The following NUMB variants were observed in gnomAD, a reference collection of about 807,000 sequenced individuals.
NUMB encodes NUMB endocytic adaptor protein.
A neutral mutation model predicts 59.7 loss-of-function variants in NUMB; 29 were observed. The ratio of observed to expected loss-of-function variants is 0.49; its 90% CI spans 0.36 to 0.66. NUMB has a LOEUF of 0.66. Ranked by LOEUF, NUMB falls within the 30% of genes least tolerant of loss-of-function variation. The pLI is 0.00. For synonymous variants in NUMB, 288 were observed against 288.2 expected, an observed-to-expected ratio of 1.00 and a Z score of 0.01; for missense variants, 723 against 822.0, an observed-to-expected ratio of 0.88 and a Z score of 1.47.
intron 9 of NUMB, chr14:73,286,190 ATTTTTTTTTTT>A (rs55711968): frequency 2.6e-4 from 19 of 72,130 alleles, no homozygotes; most frequent in Non-Finnish European, 3.2e-4. Flanking sequence ...AAATATGGCA[ATTTTTTTTTTT>A]TTTTTTTTTT....
chr14:73,284,186 C>G lies in NUMB; in HGVS notation c.844G>C (p.Ala282Pro). Residue 282 changes from alanine to proline, a missense_variant, in exon 10 of 13, where the codon GCT (alanine) becomes CCT (proline). Ala to Pro is a conservative substitution (Grantham distance 27). Around this residue, in one of 2 missense-constraint regions of NUMB, gnomAD observed 317 missense variants for 436.6 expected, o/e 0.73. Transcript: ENST00000555238. The part of the protein sequence containing the change: ...ARQGSFRGFP[A>P]LSQKMSPFKR... The stretch of plus-strand genomic sequence containing the variant: ...AAGGGTGACATCTTCTGGCTAAGAG[C>G]AGGAAAACCTCGGAAAGAGCCTTGG... 3 of 1,614,122 alleles carry G rather than the reference C, an allele frequency of 1.9e-6. No homozygotes were observed. Among genetic ancestry groups the G allele is most frequent in the Non-Finnish European group, 2.5e-6 (3 of 1,180,040 alleles).
At chr14:73,415,804 A>C (rs1243657282) in intron 1 of NUMB, among the ~76,000 whole-genome samples, 2 of 152,140 alleles carry the variant, frequency 1.3e-5, no homozygotes, top group Non-Finnish European at 2.9e-5. Context: ...TATTCCAACG[A>C]TGCTAGTCAA....
At chr14:73,370,482 G>A (rs1160285688) in intron 2 of NUMB, among the ~76,000 whole-genome samples, 2 of 151,950 alleles carry the variant, frequency 1.3e-5, no homozygotes, top group Non-Finnish European at 2.9e-5. Context: ...ACCTAAGGTC[G>A]GGAGTTCGAG....
intron 1 of NUMB, among the ~76,000 whole-genome samples, chr14:73,425,779 A>G (rs1897550580): frequency 6.6e-6 from 1 of 151,568 alleles, no homozygotes; most frequent in African/African-American, 2.4e-5. Context: ...AAACACTAAG[A>G]GATAGGGGCT....
chr14:73,341,101 T>C (rs932325865), intron 4 of NUMB, among the ~76,000 whole-genome samples: 1 of 152,228 alleles, frequency 6.6e-6, no homozygotes, highest in Non-Finnish European at 1.5e-5. Context: ...CAATTAAACC[T>C]CTTTCCTTTA....
chr14:73,276,568 T>TA lies in NUMB; in HGVS notation c.*9dup. The TA allele has an allele frequency of 6.2e-7, 1 of 1,605,858 alleles. No homozygotes were observed. The highest frequency in any genetic ancestry group is 8.5e-7 in the Non-Finnish European group (1 of 1,174,214). Reference sequence around the variant, plus strand: ...CTGGTATGGACAAGATACATAGCCATAATGATTGCTTAAAGTTCAATTTCA... The same window carrying TA: ...CTGGTATGGACAAGATACATAGCCATAAATGATTGCTTAAAGTTCAATTTCA... On this transcript the variant is annotated 3_prime_UTR_variant, in exon 13 of 13. Coordinates refer to ENST00000555238, the MANE Select transcript of NUMB (RefSeq NM_001005743.2).
intron 1 of NUMB, among the ~76,000 whole-genome samples, chr14:73,423,733 C>T (rs1296002502): frequency 6.6e-6 from 1 of 151,978 alleles, no homozygotes; most frequent in East Asian, 1.9e-4. Context: ...TGGCTTGAAT[C>T]CAGGAGGCAG....
chr14:73,450,007 T>C (rs1883813357), intron 1 of NUMB, among the ~76,000 whole-genome samples: 1 of 152,306 alleles, frequency 6.6e-6, no homozygotes, highest in East Asian at 1.9e-4. Context: ...CTGTAATGTT[T>C]TAAAGTCGAC....
chr14:73,391,846 C>T (rs991205307), intron 2 of NUMB, among the ~76,000 whole-genome samples: 1 of 152,158 alleles, frequency 6.6e-6, no homozygotes, highest in African/African-American at 2.4e-5. Context: ...TACTATTGTC[C>T]ACAGAATTGG....
At chr14:73,451,306 G>A (rs184167435) in intron 1 of NUMB, among the ~76,000 whole-genome samples, 52 of 151,466 alleles carry the variant, frequency 3.4e-4, no homozygotes, top group Admixed American at 8.6e-4. Context: ...GTGTGGTGGC[G>A]TGTGCCTGTA....
chr14:73,278,536 T>C (rs1360654424), intron 12 of NUMB, among the ~76,000 whole-genome samples: 1 of 151,866 alleles, frequency 6.6e-6, no homozygotes, highest in African/African-American at 2.4e-5. Flanking sequence ...AAAAAAACTT[T>C]TTGGTTTTAT....
intron 4 of NUMB, among the ~76,000 whole-genome samples, chr14:73,343,039 C>T (rs564191222): frequency 4.0e-5 from 6 of 151,072 alleles, no homozygotes; most frequent in East Asian, 1.9e-4. Flanking sequence ...CCCTATGTTG[C>T]GGAGGCTTCA....
At chr14:73,340,935 T>C (rs1447356859) in intron 4 of NUMB, among the ~76,000 whole-genome samples, 2 of 152,174 alleles carry the variant, frequency 1.3e-5, no homozygotes, top group Non-Finnish European at 2.9e-5. Context: ...GTGAGTCTCA[T>C]GAGAGCTGAT....
chr14:73,455,725 TTTTCA>T (rs1336764344), intron 1 of NUMB, among the ~76,000 whole-genome samples: 7 of 152,256 alleles, frequency 4.6e-5, no homozygotes, highest in Non-Finnish European at 8.8e-5. Context: ...AGGAAATATC[TTTTCA>T]TTTTTCTCTT....
At position 73,374,014 on chromosome 14, in the gene NUMB, A is replaced by G. The variant is rs574681223; in HGVS notation, c.-100-7033T>C. Reference sequence around the variant, plus strand: ...TTCCCTAGTAGCTGGGATTACAGGCATGCACCACCACGCCAGGCTAATTTT... The same window carrying G: ...TTCCCTAGTAGCTGGGATTACAGGCGTGCACCACCACGCCAGGCTAATTTT... On this transcript the variant is annotated intron_variant, in intron 2 of 12. Coordinates refer to ENST00000555238, the MANE Select transcript of NUMB (RefSeq NM_001005743.2). Among the ~76,000 whole-genome samples the G allele has an allele frequency of 1.4e-4, 22 of 152,090 alleles. No individual in the cohort carries two copies. In the South Asian group the frequency reaches 1.5e-3, roughly 10 times the overall value.
chr14:73,376,347 T>C (rs1197755751), intron 2 of NUMB, among the ~76,000 whole-genome samples: 2 of 151,146 alleles, frequency 1.3e-5, no homozygotes, highest in Admixed American at 6.6e-5. Context: ...AATCAAATAT[T>C]TTCAAAATCT....
chr14:73,353,075 T>TTTC (rs1267554207), intron 4 of NUMB, among the ~76,000 whole-genome samples: 3 of 73,066 alleles, frequency 4.1e-5, no homozygotes, highest in African/African-American at 8.0e-5. Flanking sequence ...TTTTCTTGTT[T>TTTC]TTTTTTTTTT....
intron 1 of NUMB, among the ~76,000 whole-genome samples, chr14:73,426,701 G>A (rs1332538113): frequency 6.6e-6 from 1 of 152,134 alleles, no homozygotes; most frequent in Non-Finnish European, 1.5e-5. Context: ...ACAAAAACTA[G>A]CCAGGCGTGG....
chr14:73,294,176 T>C (rs1889598587), intron 7 of NUMB, among the ~76,000 whole-genome samples: 1 of 152,180 alleles, frequency 6.6e-6, no homozygotes, highest in African/African-American at 2.4e-5. Flanking sequence ...AATGGAAAAC[T>C]CTTATCTTTT....
Sources: gnomAD v4.1 joint callset for allele counts (sites outside exome capture counted in the v4.1 genomes callset) on GRCh38, gnomAD v4.1.1 for gene constraint, gnomAD v4.1.1 regional missense constraint, MANE v1.5 for transcripts, NCBI Gene and HGNC (gene_info 2026-07-23, HGNC 2026-07-21) for gene names.